CCDC171: variants seen among roughly 807,000 people sequenced by gnomAD.
The protein encoded by CCDC171 is coiled-coil domain containing 171.
Under a neutral mutation model 168.2 loss-of-function variants are expected in CCDC171, and 177 were observed. The observed-to-expected ratio is 1.05, with a 90% CI of 0.93 to 1.19. The LOEUF is 1.19. Ranked by LOEUF, CCDC171 falls within the 50% of genes most tolerant of loss-of-function variation. The pLI is 0.00. For synonymous variants in CCDC171, 687 were observed against 540.8 expected, an observed-to-expected ratio of 1.27 and a Z score of -3.75; for missense variants, 1,991 against 1,539.0, an observed-to-expected ratio of 1.29 and a Z score of -4.91.
chr9:15,554,603 A>G (rs1398691734), intron 1 of CCDC171, among the ~76,000 whole-genome samples: 1 of 152,072 alleles, frequency 6.6e-6, no homozygotes, highest in Non-Finnish European at 1.5e-5. Context: ...GTCTCATTTG[A>G]TTCTAAAACG....
the CCDC171 span, among the ~76,000 whole-genome samples, chr9:16,092,303 A>G: frequency 2.5e-4 from 38 of 152,308 alleles, no homozygotes; most frequent in Admixed American, 7.2e-4. Flanking sequence ...TCAGGTTGCA[A>G]TCACTTGGGA....
chr9:15,893,188 A>T (rs902194926), intron 24 of CCDC171, among the ~76,000 whole-genome samples: 4 of 152,148 alleles, frequency 2.6e-5, no homozygotes, highest in African/African-American at 9.7e-5. Flanking sequence ...ATGGGGAAAA[A>T]TTCCCTATTT....
intron 8 of CCDC171, among the ~76,000 whole-genome samples, chr9:16,036,363 G>C (rs1266433121): frequency 6.6e-6 from 1 of 152,338 alleles, no homozygotes; most frequent in South Asian, 2.1e-4. Flanking sequence ...GAAATTTCTT[G>C]GCCGGGCACG....
downstream of CCDC171, among the ~76,000 whole-genome samples, chr9:15,977,215 A>G (rs1177530490): frequency 4.6e-5 from 7 of 152,074 alleles, no homozygotes; most frequent in African/African-American, 1.7e-4. Flanking sequence ...ATGCGTACAT[A>G]TTTTTTCTGA....
chr9:15,833,368 T>C (rs1339793351), intron 21 of CCDC171, among the ~76,000 whole-genome samples: 1 of 152,182 alleles, frequency 6.6e-6, no homozygotes, highest in Non-Finnish European at 1.5e-5. Context: ...CATGACTTTA[T>C]ACATTTCCAT....
At chr9:15,715,845 AATT>A (rs1440381578) in intron 11 of CCDC171, among the ~76,000 whole-genome samples, 6 of 152,172 alleles carry the variant, frequency 3.9e-5, no homozygotes, top group Admixed American at 2.6e-4. Context: ...AGTTATGAAA[AATT>A]ATTTAGTTTT....
intron 25 of CCDC171, among the ~76,000 whole-genome samples, chr9:15,959,962 A>G (rs78177256): frequency 2.0e-5 from 3 of 152,300 alleles, no homozygotes; most frequent in South Asian, 2.1e-4. Context: ...GCTATCACCC[A>G]TATGACCTAG....
chr9:15,721,625 A>G (rs931682696), intron 11 of CCDC171, 144 bp from the exon 12 acceptor site: 1 of 281,438 alleles, frequency 3.6e-6, no homozygotes, highest in African/African-American at 2.2e-5. Context: ...TTTATTCTCC[A>G]AGTATACTGC....
intron 1 of CCDC171, among the ~76,000 whole-genome samples, chr9:15,555,581 A>G (rs2038721737): frequency 6.6e-6 from 1 of 152,218 alleles, no homozygotes; most frequent in Non-Finnish European, 1.5e-5. Context: ...ATAGCAAGGC[A>G]CACAGCAGAG....
intron 4 of CCDC171, among the ~76,000 whole-genome samples, chr9:15,591,162 A>G (rs528021795): frequency 1.3e-5 from 2 of 152,224 alleles, no homozygotes; most frequent in East Asian, 1.9e-4. Flanking sequence ...ATCGAAAATT[A>G]TAGAATAGAT....
rs2057399251 is a variant in CCDC171 at position 15,777,631 on chromosome 9, C to T, written c.2703C>T (p.Leu901=). 6.2e-7 allele frequency: 1 copy of T among 1,612,306 alleles called. No homozygotes were observed. The change falls in exon 19 of 26, where the codon CTC becomes CTT. Residue 901 remains leucine, a synonymous_variant. Coordinates refer to ENST00000380701, the MANE Select transcript of CCDC171 (RefSeq NM_173550.4). The part of the protein sequence containing the change: ...DPNSRICGHL[L]IGAAKNSFAK... ...ATTCCAGAATTTGTGGACATTTACT[C>T]ATAGGTGCAGCCAAGAATTCTTTTG...
chr9:16,104,746 TC>T, the CCDC171 span, among the ~76,000 whole-genome samples: 1 of 151,836 alleles, frequency 6.6e-6, no homozygotes, highest in African/African-American at 2.4e-5. Flanking sequence ...TTTTTTTTTT[TC>T]ATTCAAAAAA....
intron 6 of CCDC171, among the ~76,000 whole-genome samples, chr9:15,604,246 A>C (rs1048402669): frequency 2.0e-5 from 3 of 151,960 alleles, no homozygotes; most frequent in Non-Finnish European, 4.4e-5. Context: ...GAAGCTCTTA[A>C]GTTTTTAATT....
intron 11 of CCDC171, among the ~76,000 whole-genome samples, chr9:15,699,713 A>AC (rs1334151592): frequency 6.6e-6 from 1 of 152,152 alleles, no homozygotes; most frequent in Admixed American, 6.5e-5. Flanking sequence ...TGGTGTGTTT[A>AC]CAAACCTTGA....
intron 10 of CCDC171, among the ~76,000 whole-genome samples, chr9:15,683,293 T>C (rs1353147795): frequency 6.6e-6 from 1 of 152,040 alleles, no homozygotes; most frequent in African/African-American, 2.4e-5. Flanking sequence ...TTGCTAGCAT[T>C]AAATATGATT....
chr9:15,599,373 G>A (rs1318917560), intron 6 of CCDC171, among the ~76,000 whole-genome samples: 1 of 152,086 alleles, frequency 6.6e-6, no homozygotes, highest in Non-Finnish European at 1.5e-5. Flanking sequence ...GCATTTGCTT[G>A]TCTGTAAAGT....
At chr9:15,626,176 A>G (rs2045083992) in intron 7 of CCDC171, among the ~76,000 whole-genome samples, 1 of 152,134 alleles carries the variant, frequency 6.6e-6, no homozygotes, top group Non-Finnish European at 1.5e-5. Context: ...GTATCCTGAG[A>G]CTTTGCTGAA....
At chr9:15,667,521 C>T (rs1309109549) in intron 9 of CCDC171, among the ~76,000 whole-genome samples, 2 of 152,084 alleles carry the variant, frequency 1.3e-5, no homozygotes, top group Admixed American at 6.6e-5. Context: ...TGGCGGGCAC[C>T]TGTAATCCCA....
Position 15,745,598 on chromosome 9 carries a change from A to G in CCDC171, c.2638A>G (p.Met880Val), listed in dbSNP as rs751582263. The change falls in exon 18 of 26, where the codon ATG becomes GTG. Residue 880 changes from methionine to valine, a missense_variant. By Grantham distance (21) the Met-to-Val change is conservative. Transcript: ENST00000380701. ...CCTTCTTGCTGCAATAATCAGTTCT[A>G]TGGCTGAATTACAAGACGTCATTGG... is the stretch of plus-strand genomic sequence containing the variant. Reference protein sequence around the residue: ...SDLLAAIISSMAELQDVIGKA... With the variant: ...SDLLAAIISSVAELQDVIGKA... 2.4e-5 allele frequency: 37 copies of G among 1,569,560 alleles called. No individual in the cohort carries two copies. The Admixed American group carries it at 3.8e-4, about 16-fold the overall frequency.
Sources: allele counts gnomAD v4.1 joint callset (sites outside exome capture counted in the v4.1 genomes callset), GRCh38; gene constraint gnomAD v4.1.1; transcripts MANE v1.5; gene names NCBI Gene and HGNC (gene_info 2026-07-23, HGNC 2026-07-21).